Variants in PBX3 observed in about 807,000 individuals in gnomAD.
PBX3 encodes the protein pre-B-cell leukemia transcription factor 3.
Under a neutral mutation model 48.5 loss-of-function variants are expected in PBX3, and 14 were observed. That is an observed-to-expected ratio of 0.29 (90% CI 0.19 to 0.45). The LOEUF (loss-of-function observed/expected upper bound fraction) is 0.45, where lower values mean the gene tolerates loss of function less well. PBX3 is among the 20% of genes least tolerant of loss of function. PBX3 has a pLI of 1.00. For missense variants in PBX3, 386 were observed against 546.7 expected (o/e 0.71, Z 2.93); for synonymous variants, 210 against 200.3 (o/e 1.05, Z -0.41).
chr9:125,917,156 A>C (rs1374862524), intron 3 of PBX3, among the ~76,000 whole-genome samples: 6 of 152,178 alleles, frequency 3.9e-5, no homozygotes, highest in African/African-American at 1.4e-4. Flanking sequence ...TAAAGTCCAC[A>C]CACTTTAGTG....
intron 3 of PBX3, 139 bp from the exon 4 acceptor site, chr9:125,929,516 A>T (rs1588307134): frequency 1.8e-6 from 1 of 561,332 alleles, no homozygotes; most frequent in Non-Finnish European, 3.1e-6. Context: ...CCATTTTACA[A>T]GTGTCTTAGT....
At chr9:125,846,915 C>G (rs1023918058) in intron 2 of PBX3, among the ~76,000 whole-genome samples, 1 of 150,478 alleles carries the variant, frequency 6.6e-6, no homozygotes, top group Admixed American at 6.6e-5. Context: ...TTTTTTTAAC[C>G]CTTTGTACTT....
intron 3 of PBX3, among the ~76,000 whole-genome samples, chr9:125,928,424 T>TGTGTG (rs1554729911): frequency 4.0e-5 from 5 of 125,190 alleles, no homozygotes; most frequent in African/African-American, 2.1e-4. Context: ...GTGTGTGTGT[T>TGTGTG]TTTGTGTATG....
At chr9:125,822,792 C>T (rs1406048679) in intron 2 of PBX3, among the ~76,000 whole-genome samples, 4 of 151,936 alleles carry the variant, frequency 2.6e-5, no homozygotes, top group African/African-American at 7.3e-5. Context: ...AGTATAGTAG[C>T]TTATTATATT....
chr9:125,772,966 C>A (rs1836978589), intron 2 of PBX3, among the ~76,000 whole-genome samples: 1 of 152,158 alleles, frequency 6.6e-6, no homozygotes. Flanking sequence ...TTTATAAATA[C>A]AAGCTGGACC....
At chr9:125,920,012 C>A (rs1017053161) in intron 3 of PBX3, among the ~76,000 whole-genome samples, 3 of 152,120 alleles carry the variant, frequency 2.0e-5, no homozygotes, top group African/African-American at 7.2e-5. Flanking sequence ...TTGATGATAA[C>A]CATCTAAAAA....
chr9:125,966,070 T>G lies in PBX3; in HGVS notation c.*147T>G. On this transcript the variant is annotated 3_prime_UTR_variant, in exon 9 of 9. Transcript: ENST00000373489. ...TCGAGAACTTGGTAAATCTGTTTTT[T>G]AAGGAATCATAATCATTTGTATTTA... The G allele has an allele frequency of 1.9e-6, 1 of 528,336 alleles. No individual in the cohort carries two copies. 32.7% of individuals were successfully genotyped at this position (528,336 alleles called of 1,614,324 possible).
chr9:125,920,495 C>G (rs1055925228), intron 3 of PBX3, among the ~76,000 whole-genome samples: 1 of 152,192 alleles, frequency 6.6e-6, no homozygotes, highest in Non-Finnish European at 1.5e-5. Flanking sequence ...AATTTGACTT[C>G]AACATTTGTT....
Position 125,966,061 on chromosome 9 carries a change from T to A in PBX3, c.*138T>A. 2 of 554,588 alleles carry A rather than the reference T, an allele frequency of 3.6e-6. No individual in the cohort carries two copies. The highest frequency in any genetic ancestry group is 5.7e-5 in the East Asian group (2 of 34,872). 34.4% of individuals were successfully genotyped at this position (554,588 alleles called of 1,614,324 possible). On this transcript the variant is annotated 3_prime_UTR_variant, in exon 9 of 9. Coordinates refer to ENST00000373489, the MANE Select transcript of PBX3 (RefSeq NM_006195.6). ...TTGTCTTATTCGAGAACTTGGTAAA[T>A]CTGTTTTTTAAGGAATCATAATCAT...
intron 5 of PBX3, among the ~76,000 whole-genome samples, chr9:125,948,716 G>GTA (rs1554732473): frequency 1.3e-5 from 2 of 150,864 alleles, no homozygotes; most frequent in African/African-American, 4.9e-5. Context: ...GTGTGTGTGT[G>GTA]TGTGTATATA....
intron 3 of PBX3, among the ~76,000 whole-genome samples, chr9:125,922,462 T>C (rs974775384): frequency 6.6e-5 from 10 of 152,178 alleles, no homozygotes; most frequent in Non-Finnish European, 5.9e-5. Flanking sequence ...TACTTTTATT[T>C]CCCAAATATT....
chr9:125,934,483 C>G (rs1841790832), intron 4 of PBX3, among the ~76,000 whole-genome samples: 1 of 152,134 alleles, frequency 6.6e-6, no homozygotes, highest in Admixed American at 6.5e-5. Context: ...GGCTGGAATT[C>G]TTTAAAATCT....
rs76847753 is a variant in PBX3 at position 125,881,623 on chromosome 9, A to T, written c.275-34063A>T. Among the ~76,000 whole-genome samples, 440 of 151,792 alleles carry T rather than the reference A, an allele frequency of 2.9e-3. 6 individuals carry two copies. In the East Asian group the frequency reaches 0.071, roughly 24 times the overall value. Reference sequence around the variant, plus strand: ...TTACTATTTTATTATTATTATTTTTAATTATTAAAAATAGAGACAGGGTCT... The same window carrying T: ...TTACTATTTTATTATTATTATTTTTTATTATTAAAAATAGAGACAGGGTCT... On this transcript the variant is annotated intron_variant, in intron 2 of 8. Transcript: ENST00000373489.
chr9:125,917,583 A>C (rs1279008078), intron 3 of PBX3, among the ~76,000 whole-genome samples: 2 of 151,012 alleles, frequency 1.3e-5, no homozygotes, highest in Non-Finnish European at 2.9e-5. Context: ...ACCCCTGATC[A>C]GTTTTAATAC....
intron 2 of PBX3, among the ~76,000 whole-genome samples, chr9:125,828,522 A>T (rs998990806): frequency 6.6e-6 from 1 of 152,164 alleles, no homozygotes; most frequent in Admixed American, 6.5e-5. Flanking sequence ...CCAGTTGGTC[A>T]TTTAAGAAAA....
chr9:125,860,512 A>G (rs1839834884), intron 2 of PBX3, among the ~76,000 whole-genome samples: 1 of 152,230 alleles, frequency 6.6e-6, no homozygotes, highest in Non-Finnish European at 1.5e-5. Flanking sequence ...CCAACCAAAT[A>G]TGTGTTAGTG....
chr9:125,851,448 A>T (rs1395097861), intron 2 of PBX3, among the ~76,000 whole-genome samples: 1 of 152,130 alleles, frequency 6.6e-6, no homozygotes, highest in Non-Finnish European at 1.5e-5. Flanking sequence ...TTGAAAACCA[A>T]GGTGGGATTT....
At chr9:125,796,825 TAATG>T (rs1240804999) in intron 2 of PBX3, among the ~76,000 whole-genome samples, 1 of 152,094 alleles carries the variant, frequency 6.6e-6, no homozygotes, top group Non-Finnish European at 1.5e-5. Flanking sequence ...GGACTATAGT[TAATG>T]AGAGTGTCAT....
chr9:125,787,872 G>T (rs1371511270), intron 2 of PBX3, among the ~76,000 whole-genome samples: 3 of 152,208 alleles, frequency 2.0e-5, no homozygotes, highest in African/African-American at 7.2e-5. Context: ...GGATGATAAA[G>T]TTCAGGATGT....
Sources: gnomAD v4.1 joint callset for allele counts (sites outside exome capture counted in the v4.1 genomes callset) on GRCh38, gnomAD v4.1.1 for gene constraint, MANE v1.5 for transcripts, NCBI Gene and HGNC (gene_info 2026-07-23, HGNC 2026-07-21) for gene names.